Variants in PDZRN3 observed in about 807,000 individuals in gnomAD.
PDZRN3 encodes E3 ubiquitin-protein ligase PDZRN3.
PDZRN3 carries 38 observed loss-of-function variants against 85.7 expected under a neutral mutation model. The ratio of observed to expected loss-of-function variants is 0.44; its 90% CI spans 0.34 to 0.58. PDZRN3 has a LOEUF of 0.58. Among genes scored for constraint, PDZRN3 ranks in the 20% least tolerant of loss-of-function variants. The pLI is 0.01. For synonymous variants in PDZRN3, 759 were observed against 638.0 expected, an observed-to-expected ratio of 1.19 and a Z score of -2.86; for missense variants, 1,629 against 1,506.4, an observed-to-expected ratio of 1.08 and a Z score of -1.35.
At chr3:73,563,467 A>G (rs755982583) in intron 3 of PDZRN3, among the ~76,000 whole-genome samples, 1 of 152,274 alleles carries the variant, frequency 6.6e-6, no homozygotes, top group Non-Finnish European at 1.5e-5. Flanking sequence ...CTAAAACCTT[A>G]TATTTTTTAA....
intron 3 of PDZRN3, among the ~76,000 whole-genome samples, chr3:73,503,375 G>A (rs1004146756): frequency 6.6e-6 from 1 of 151,968 alleles, no homozygotes; most frequent in Non-Finnish European, 1.5e-5. Flanking sequence ...TAAACATCTG[G>A]GAATGCATAA....
intron 3 of PDZRN3, among the ~76,000 whole-genome samples, chr3:73,540,989 G>C (rs1371433191): frequency 2.0e-5 from 3 of 152,092 alleles, no homozygotes; most frequent in Non-Finnish European, 4.4e-5. Flanking sequence ...AATGACAAAG[G>C]GAATCAAACT....
At chr3:73,507,291 C>T (rs1704085344) in intron 3 of PDZRN3, among the ~76,000 whole-genome samples, 1 of 152,198 alleles carries the variant, frequency 6.6e-6, no homozygotes, top group Non-Finnish European at 1.5e-5. Flanking sequence ...CCCTCAGCCT[C>T]CCGAGTAGCT....
At chr3:73,404,555 T>G in intron 3 of PDZRN3, 160 bp from the exon 4 acceptor site, 1 of 671,830 alleles carries the variant, frequency 1.5e-6, no homozygotes, top group East Asian at 2.7e-5. Flanking sequence ...TCCCGAAGAA[T>G]GCCTGGTGGA....
At position 73,595,953 on chromosome 3, in the gene PDZRN3, A is replaced by G. The variant is rs368437170; in HGVS notation, c.918+6401T>C. Among the ~76,000 whole-genome samples, 58 of 152,318 alleles carry G rather than the reference A, an allele frequency of 3.8e-4. No homozygotes were observed. In the South Asian group the frequency reaches 0.011, roughly 29 times the overall value. On this transcript the variant is annotated intron_variant, in intron 3 of 9. Transcript: ENST00000263666. ...AAGCAATGAAATCTCAATCATAATGAGCACCCTAGCACCCATATTTTGGTT... is the reference window on the plus strand; with the variant it reads ...AAGCAATGAAATCTCAATCATAATGGGCACCCTAGCACCCATATTTTGGTT...
intron 3 of PDZRN3, among the ~76,000 whole-genome samples, chr3:73,505,542 A>AT (rs752278095): frequency 5.3e-4 from 80 of 152,314 alleles, no homozygotes; most frequent in Non-Finnish European, 9.7e-4. Context: ...GAAAATCAGG[A>AT]TTTTTCAAAT....
rs144939120 is a variant in PDZRN3, at chr3:73,572,996, C to T, written c.918+29358G>A. On this transcript the variant is annotated intron_variant, in intron 3 of 9. Coordinates refer to ENST00000263666, the MANE Select transcript of PDZRN3 (RefSeq NM_015009.3). ...AGGGAGGTTTTAGGCTCTTTTGTGT[C>T]CCACAGTGTGCCGGAATTAAGGCTT... Among the ~76,000 whole-genome samples the T allele has an allele frequency of 5.3e-4, 80 of 152,290 alleles. 2 individuals are homozygous for T. In the East Asian group the frequency reaches 0.014, roughly 27 times the overall value.
At chr3:73,413,354 T>G (rs1209535725) in intron 3 of PDZRN3, among the ~76,000 whole-genome samples, 1 of 152,232 alleles carries the variant, frequency 6.6e-6, no homozygotes, top group Non-Finnish European at 1.5e-5. Context: ...AAGCAGTTTA[T>G]ATTGCAGTCA....
chr3:73,515,439 G>A (rs1023089864), intron 3 of PDZRN3, among the ~76,000 whole-genome samples: 2 of 152,110 alleles, frequency 1.3e-5, no homozygotes, highest in Non-Finnish European at 2.9e-5. Flanking sequence ...GCCTCCCAAA[G>A]TGCTGGGATT....
At chr3:73,412,369 C>T (rs936986927) in intron 3 of PDZRN3, among the ~76,000 whole-genome samples, 1 of 152,212 alleles carries the variant, frequency 6.6e-6, no homozygotes, top group African/African-American at 2.4e-5. Context: ...AAAATTTCTA[C>T]TCTCAAGCCT....
intron 2 of PDZRN3, among the ~76,000 whole-genome samples, chr3:73,608,295 C>T (rs7616443): frequency 1.3e-5 from 2 of 152,168 alleles, no homozygotes; most frequent in South Asian, 2.1e-4. Context: ...ACACATCTCA[C>T]GCAACTTCAT....
chr3:73,465,074 C>G (rs1004182479), intron 3 of PDZRN3, among the ~76,000 whole-genome samples: 1 of 152,172 alleles, frequency 6.6e-6, no homozygotes, highest in Admixed American at 6.5e-5. Flanking sequence ...TAAGTTGTCT[C>G]TAGGTTGCTT....
chr3:73,546,372 T>C (rs760690801), intron 3 of PDZRN3, among the ~76,000 whole-genome samples: 2 of 152,182 alleles, frequency 1.3e-5, no homozygotes, highest in Non-Finnish European at 2.9e-5. Context: ...TGATCGTCAC[T>C]GTCTATAAGG....
intron 3 of PDZRN3, among the ~76,000 whole-genome samples, chr3:73,489,595 T>TG (rs1228651903): frequency 7.1e-6 from 1 of 140,744 alleles, no homozygotes; most frequent in Non-Finnish European, 1.6e-5. Flanking sequence ...TTTTTTGAGA[T>TG]GGAGTCTCAT....
At chr3:73,474,108 A>AAATAG (rs1476131696) in intron 3 of PDZRN3, among the ~76,000 whole-genome samples, 1 of 152,180 alleles carries the variant, frequency 6.6e-6, no homozygotes, top group African/African-American at 2.4e-5. Flanking sequence ...TGATGCTTCT[A>AAATAG]AACCATTCCT....
chr3:73,545,071 C>T (rs569614117), intron 3 of PDZRN3, among the ~76,000 whole-genome samples: 1 of 152,300 alleles, frequency 6.6e-6, no homozygotes, highest in East Asian at 1.9e-4. Flanking sequence ...TACAGCATGC[C>T]TACCTATACT....
intron 3 of PDZRN3, among the ~76,000 whole-genome samples, chr3:73,423,475 C>T (rs1702242228): frequency 6.6e-6 from 1 of 152,194 alleles, no homozygotes; most frequent in African/African-American, 2.4e-5. Context: ...GAATAGTAAG[C>T]ATTTGTTTGC....
intron 3 of PDZRN3, among the ~76,000 whole-genome samples, chr3:73,538,113 G>A (rs1464932374): frequency 2.0e-5 from 3 of 152,146 alleles, no homozygotes; most frequent in Non-Finnish European, 4.4e-5. Flanking sequence ...CACAAAGTCT[G>A]TTCACTTTTC....
intron 3 of PDZRN3, among the ~76,000 whole-genome samples, chr3:73,536,684 G>A (rs561919531): frequency 6.6e-6 from 1 of 152,280 alleles, no homozygotes; most frequent in East Asian, 1.9e-4. Context: ...AATGCCACAC[G>A]TGTTATTCAG....
Sources: allele counts gnomAD v4.1 joint callset (sites outside exome capture counted in the v4.1 genomes callset), GRCh38; gene constraint gnomAD v4.1.1; transcripts MANE v1.5; gene names NCBI Gene and HGNC (gene_info 2026-07-23, HGNC 2026-07-21).